The following LSM12 variants were observed in gnomAD, a reference collection of about 807,000 sequenced individuals.
LSM12 encodes protein LSM12.
For missense variants in LSM12, 108 were observed against 238.9 expected (o/e 0.45, Z 3.61); for synonymous variants, 74 against 87.3 (o/e 0.85, Z 0.85).
intron 2 of LSM12, among the ~76,000 whole-genome samples, chr17:44,057,744 C>CG (rs1359734090): frequency 6.7e-6 from 1 of 149,378 alleles, no homozygotes; most frequent in Non-Finnish European, 1.5e-5. Flanking sequence ...GGGAGACAGA[C>CG]GGAGACTCTG....
chr17:44,053,035 A>T (rs1489839596), intron 2 of LSM12, among the ~76,000 whole-genome samples: 1 of 152,174 alleles, frequency 6.6e-6, no homozygotes, highest in African/African-American at 2.4e-5. Flanking sequence ...TAAATTGCAG[A>T]GGTGGACAAA....
At chr17:44,064,992 G>T (rs1360203118) in intron 1 of LSM12, among the ~76,000 whole-genome samples, 1 of 151,902 alleles carries the variant, frequency 6.6e-6, no homozygotes, top group African/African-American at 2.4e-5. Context: ...AATTAGCCGG[G>T]CACGGTGGCG....
At chr17:44,065,066 G>C (rs1212470107) in intron 1 of LSM12, among the ~76,000 whole-genome samples, 2 of 151,774 alleles carry the variant, frequency 1.3e-5, no homozygotes, top group East Asian at 3.9e-4. Flanking sequence ...CCGGGAGACG[G>C]AAGTTGCAGT....
intron 2 of LSM12, among the ~76,000 whole-genome samples, chr17:44,048,465 G>A (rs530256708): frequency 2.1e-5 from 3 of 140,892 alleles, no homozygotes; most frequent in Admixed American, 7.4e-5. Context: ...CTGGGTGACA[G>A]AGAGAGACTC....
chr17:44,041,947 C>T (rs978883110), intron 2 of LSM12, among the ~76,000 whole-genome samples: 5 of 152,182 alleles, frequency 3.3e-5, no homozygotes, highest in African/African-American at 7.2e-5. Flanking sequence ...TGTGCAAACA[C>T]GCGCGAGAAC....
chr17:44,049,427 G>A (rs1012129388), intron 2 of LSM12, among the ~76,000 whole-genome samples: 4 of 151,966 alleles, frequency 2.6e-5, no homozygotes, highest in Admixed American at 2.0e-4. Context: ...ATAGGTGTGC[G>A]CCACCACACC....
At chr17:44,040,492 C>A (rs915539275) in intron 2 of LSM12, among the ~76,000 whole-genome samples, 1 of 152,108 alleles carries the variant, frequency 6.6e-6, no homozygotes, top group Non-Finnish European at 1.5e-5. Flanking sequence ...CTACCATGTG[C>A]CAGACATTCA....
intron 1 of LSM12, among the ~76,000 whole-genome samples, chr17:44,065,858 C>G (rs1450883194): frequency 6.6e-6 from 1 of 152,048 alleles, no homozygotes; most frequent in Non-Finnish European, 1.5e-5. Context: ...TAAAAATCAG[C>G]ACAGCCCCCC....
intron 2 of LSM12, among the ~76,000 whole-genome samples, chr17:44,047,731 T>G (rs1005201830): frequency 6.7e-6 from 1 of 149,316 alleles, no homozygotes; most frequent in African/African-American, 2.4e-5. Context: ...CCTGGCAGGT[T>G]TGTTTGTTCT....
intron 3 of LSM12, among the ~76,000 whole-genome samples, chr17:44,038,861 A>C (rs1489617410): frequency 6.6e-6 from 1 of 152,116 alleles, no homozygotes; most frequent in South Asian, 2.1e-4. Flanking sequence ...CATACCTGTA[A>C]ATGTTCAGAT....
At chr17:44,037,838 T>TAG (rs913756185) in intron 3 of LSM12, among the ~76,000 whole-genome samples, 3 of 152,186 alleles carry the variant, frequency 2.0e-5, no homozygotes, top group African/African-American at 7.2e-5. Flanking sequence ...CAAATTAAGA[T>TAG]AGCAGCCTAG....
intron 4 of LSM12, 81 bp downstream of exon 4, chr17:44,037,331 A>C: frequency 6.9e-7 from 1 of 1,454,694 alleles, no homozygotes; most frequent in Non-Finnish European, 9.1e-7. Flanking sequence ...ACTGTAGCAC[A>C]ATGTCCTGGT....
intron 2 of LSM12, among the ~76,000 whole-genome samples, chr17:44,048,011 C>T (rs1209561980): frequency 8.0e-6 from 1 of 124,702 alleles, no homozygotes; most frequent in Non-Finnish European, 1.6e-5. Flanking sequence ...AGACAGTGTC[C>T]GTATTAAACA....
Position 44,034,464 on chromosome 17 carries a change from C to A in LSM12, c.*1744G>T, listed in dbSNP as rs76990881. On this transcript the variant is annotated 3_prime_UTR_variant, in exon 5 of 5. Coordinates refer to ENST00000293406, the MANE Select transcript of LSM12 (RefSeq NM_001371445.1). Reference sequence around the variant, plus strand: ...CTACACACCACTCCAAACCCTGGACCCCCATCTTAAATTATACCCTGCATT... The same window carrying A: ...CTACACACCACTCCAAACCCTGGACACCCATCTTAAATTATACCCTGCATT... 0.041 allele frequency among the ~76,000 whole-genome samples: 6,217 copies of A among 152,144 alleles called. 173 individuals are homozygous for A. The highest frequency in any genetic ancestry group is 0.078 in the Middle Eastern group (23 of 294).
rs894609310 is a variant in LSM12 at position 44,034,509 on chromosome 17, C to A, written c.*1699G>T. On this transcript the variant is annotated 3_prime_UTR_variant, in exon 5 of 5. Transcript: ENST00000293406. ...TGCATTATATTTCTGGATGAGTCCT[C>A]GGGGGTGAAAAGAGAGGGTAAATAG... 2 of 152,168 alleles carry A rather than the reference C, an allele frequency of 1.3e-5. No homozygotes were observed. The highest frequency in any genetic ancestry group is 2.9e-5 in the Non-Finnish European group (2 of 68,028). 9.4% of individuals were successfully genotyped at this position (152,168 alleles called of 1,614,324 possible).
At chr17:44,040,326 A>G (rs1299929992) in intron 2 of LSM12, 70 bp from the exon 3 acceptor site, 1 of 1,152,580 alleles carries the variant, frequency 8.7e-7, no homozygotes, top group African/African-American at 1.5e-5. Flanking sequence ...TCAGGACCTA[A>G]GCTGAAGAAA....
intron 2 of LSM12, among the ~76,000 whole-genome samples, chr17:44,050,489 T>C (rs1567958940): frequency 1.3e-5 from 2 of 151,346 alleles, no homozygotes; most frequent in Non-Finnish European, 2.9e-5. Flanking sequence ...GGGCAACTGT[T>C]CCCTAGCTGA....
chr17:44,037,744 A>T (rs937921327), intron 3 of LSM12, among the ~76,000 whole-genome samples: 2 of 152,194 alleles, frequency 1.3e-5, no homozygotes, highest in African/African-American at 2.4e-5. Flanking sequence ...ATGCACATTT[A>T]TTCTTGGGAG....
rs772225360 is a variant in LSM12 at position 44,063,786 on chromosome 17, C to G, written c.258+15G>C. ...CCACCATTTTAGAGAGCCAGATCTG[C>G]CCTTGAGTCCTTACCTTACTAACAT... On this transcript the variant is annotated intron_variant, in intron 2 of 4. Transcript: ENST00000293406. 40 of 1,610,428 alleles carry G rather than the reference C, an allele frequency of 2.5e-5. 1 individual carries two copies. In the South Asian group the frequency reaches 4.4e-4, roughly 18 times the overall value.
Sources: allele counts gnomAD v4.1 joint callset (sites outside exome capture counted in the v4.1 genomes callset), GRCh38; gene constraint gnomAD v4.1.1; transcripts MANE v1.5; gene names NCBI Gene and HGNC (gene_info 2026-07-23, HGNC 2026-07-21).